Variants in B9D1 observed in about 807,000 individuals in gnomAD.
B9D1 encodes B9 domain-containing protein 1.
In B9D1, 20 loss-of-function variants were observed where a neutral mutation model predicts 26.1. That is an observed-to-expected ratio of 0.77 (90% CI 0.54 to 1.12). The LOEUF (loss-of-function observed/expected upper bound fraction) is 1.12, where lower values mean the gene tolerates loss of function less well. Among genes scored for constraint, B9D1 ranks in the 50% most tolerant of loss-of-function variants. The probability of loss-of-function intolerance (pLI) is 0.00; values close to 1 mark genes in which losing one functional copy is unlikely to be tolerated. For missense variants in B9D1, 260 were observed against 273.7 expected (o/e 0.95, Z 0.35); for synonymous variants, 105 against 103.1 (o/e 1.02, Z -0.11).
At chr17:19,340,361 G>C (rs1039742255), downstream of B9D1, among the ~76,000 whole-genome samples, 2 of 151,454 alleles carry the variant, frequency 1.3e-5, no homozygotes, top group Non-Finnish European at 2.9e-5. Flanking sequence ...TAGTAGAGAC[G>C]GGGTTTCACC....
rs760070960 is a variant in B9D1 at position 19,343,304 on chromosome 17, C to A, written c.*15G>T. ...CAGCCCTTCATTATCAGAGACTGTG[C>A]AGCCTGTGGAGCCTTCACTGGGGGA... On this transcript the variant is annotated 3_prime_UTR_variant, in exon 7 of 7. Coordinates refer to ENST00000261499, the MANE Select transcript of B9D1 (RefSeq NM_015681.6). 2.5e-6 allele frequency: 4 copies of A among 1,614,034 alleles called. No individual in the cohort carries two copies. The highest frequency in any genetic ancestry group is 3.4e-6 in the Non-Finnish European group (4 of 1,179,944).
intron 1 of B9D1, among the ~76,000 whole-genome samples, chr17:19,368,687 A>G (rs1911721475): frequency 6.6e-6 from 1 of 152,160 alleles, no homozygotes; most frequent in South Asian, 2.1e-4. Context: ...ACTCATGCCT[A>G]TGATCCTAGC....
Position 19,347,218 on chromosome 17 carries a change from C to T in B9D1, c.404+51G>A. The T allele has an allele frequency of 1.2e-6, 2 of 1,614,160 alleles. No homozygotes were observed. Among genetic ancestry groups the T allele is most frequent in the South Asian group, 2.2e-5 (2 of 91,084 alleles). On this transcript the variant is annotated intron_variant, in intron 5 of 6. Coordinates refer to ENST00000261499, the MANE Select transcript of B9D1 (RefSeq NM_015681.6). The surrounding 1 kb of genome is among the most constrained non-coding windows in gnomAD (Gnocchi z 4.3). ...CAAACTGAGGGGTAGAATGGGACATCCATTCATCCAGTAGATCAGGAGGGG... is the reference window on the plus strand; with the variant it reads ...CAAACTGAGGGGTAGAATGGGACATTCATTCATCCAGTAGATCAGGAGGGG...
intron 1 of B9D1, 126 bp downstream of exon 1, chr17:19,362,381 C>G: frequency 1.4e-6 from 1 of 698,560 alleles, no homozygotes; most frequent in Middle Eastern, 4.2e-4. Context: ...TCCCCTCCCC[C>G]GCCTAACCGA....
chr17:19,366,652 C>T (rs1451775796), upstream of B9D1, among the ~76,000 whole-genome samples: 1 of 152,152 alleles, frequency 6.6e-6, no homozygotes, highest in Non-Finnish European at 1.5e-5. Context: ...CTCCAAGTCC[C>T]CAAATCATTT....
At chr17:19,356,576 C>T (rs1472898138) in intron 3 of B9D1, among the ~76,000 whole-genome samples, 1 of 152,160 alleles carries the variant, frequency 6.6e-6, no homozygotes, top group Non-Finnish European at 1.5e-5. Flanking sequence ...GTGAGATTTA[C>T]CTGAGGCCCT....
downstream of B9D1, chr17:19,335,359 T>C: frequency 6.5e-7 from 1 of 1,539,746 alleles, no homozygotes; most frequent in Non-Finnish European, 8.8e-7. Flanking sequence ...AATGTATGAA[T>C]GTGACTCACC....
chr17:19,354,784 C>T (rs968888810), intron 3 of B9D1, among the ~76,000 whole-genome samples: 12 of 152,208 alleles, frequency 7.9e-5, no homozygotes, highest in African/African-American at 2.9e-4. Context: ...GCCGAGATCG[C>T]GCCACTGCAC....
chr17:19,351,056 C>T (rs1403051106), intron 3 of B9D1, among the ~76,000 whole-genome samples: 2 of 152,104 alleles, frequency 1.3e-5, no homozygotes, highest in Non-Finnish European at 1.5e-5. Context: ...CCAGGCTGGT[C>T]TCAAATTCCT....
upstream of B9D1, among the ~76,000 whole-genome samples, chr17:19,366,061 A>G (rs1005741287): frequency 1.3e-5 from 2 of 151,358 alleles, no homozygotes; most frequent in Admixed American, 6.6e-5. Context: ...GTCTTCCTTG[A>G]ACGCCTCTCC....
chr17:19,343,565 C>G (rs1487778402), intron 6 of B9D1, 104 bp from the exon 7 acceptor site: 1 of 1,585,744 alleles, frequency 6.3e-7, no homozygotes, highest in South Asian at 1.1e-5. Context: ...AAAATGGGGA[C>G]AACAGTGCCT....
At chr17:19,363,477 C>T (rs1911386582), upstream of B9D1, among the ~76,000 whole-genome samples, 1 of 152,204 alleles carries the variant, frequency 6.6e-6, no homozygotes, top group African/African-American at 2.4e-5. Flanking sequence ...CTCCATTTTA[C>T]AGAGGAGGAA....
At chr17:19,357,551 A>C (rs1182380869) in intron 3 of B9D1, 2 of 462,960 alleles carry the variant, frequency 4.3e-6, no homozygotes, top group Non-Finnish European at 8.0e-6. Flanking sequence ...ACAGTCCTGC[A>C]TGCCAGGGTG....
downstream of B9D1, chr17:19,341,327 C>G (rs1567878983): frequency 1.6e-6 from 2 of 1,231,828 alleles, no homozygotes; most frequent in East Asian, 6.3e-5. Flanking sequence ...GCTGTGATAG[C>G]TGTGATAAAA....
In B9D1 at chr17:19,359,958, C is replaced by T. The variant is rs1378529289; in HGVS notation, c.132+362G>A. On this transcript the variant is annotated intron_variant, in intron 2 of 6. Transcript: ENST00000261499. This position sits in a 1 kb window ranked among gnomAD's most constrained non-coding sequence, Gnocchi z 5.0. ...AGAGCTCCTACTCTGTCTTTTTACT[C>T]CAGGTCCTCCCCACTGGCTGAGGAG... 6.6e-6 allele frequency among the ~76,000 whole-genome samples: 1 copy of T among 152,230 alleles called. No individual in the cohort carries two copies. The highest frequency in any genetic ancestry group is 1.5e-5 in the Non-Finnish European group (1 of 68,044).
At chr17:19,377,714 G>T in intron 1 of B9D1, 1 of 402,004 alleles carries the variant, frequency 2.5e-6, no homozygotes, top group Non-Finnish European at 3.4e-6. Flanking sequence ...TTTTGGGGTG[G>T]GTCGGGACAG....
chr17:19,346,952 C>T, intron 5 of B9D1: 1 of 1,497,922 alleles, frequency 6.7e-7, no homozygotes. Context: ...CTGCTATATC[C>T]TCTTGTTTCC....
upstream of B9D1, among the ~76,000 whole-genome samples, chr17:19,365,015 G>T (rs959908335): frequency 1.3e-5 from 2 of 152,232 alleles, no homozygotes; most frequent in Non-Finnish European, 2.9e-5. The surrounding 1 kb of genome is among the most constrained non-coding windows in gnomAD (Gnocchi z 5.0). Flanking sequence ...GCCTCCCCCA[G>T]TCTCTCAACC....
chr17:19,377,400 G>A (rs1279131393), intron 1 of B9D1, among the ~76,000 whole-genome samples: 2 of 152,212 alleles, frequency 1.3e-5, no homozygotes, highest in Admixed American at 1.3e-4. Context: ...GTTTAAAAGT[G>A]AGGGACCCCT....
Sources: gnomAD v4.1 joint callset for allele counts (sites outside exome capture counted in the v4.1 genomes callset) on GRCh38, gnomAD v4.1.1 for gene constraint, Gnocchi (gnomAD v3.1) non-coding constraint, MANE v1.5 for transcripts, NCBI Gene and HGNC (gene_info 2026-07-23, HGNC 2026-07-21) for gene names.